Variants in PHACTR2 observed in about 807,000 individuals in gnomAD.
PHACTR2 encodes chromosome 6 open reading frame 56.
Under a neutral mutation model 76.0 loss-of-function variants are expected in PHACTR2, and 30 were observed. The observed-to-expected ratio is 0.39, with a 90% CI of 0.30 to 0.54. PHACTR2 has a LOEUF of 0.54. Ranked by LOEUF, PHACTR2 falls within the 20% of genes least tolerant of loss-of-function variation. The pLI is 0.61. For synonymous variants in PHACTR2, 292 were observed against 292.5 expected (o/e 1.00, Z 0.02); for missense variants, 696 against 781.1 (o/e 0.89, Z 1.30).
At chr6:143,720,426 T>C (rs1184620288) in intron 2 of PHACTR2, among the ~76,000 whole-genome samples, 1 of 151,954 alleles carries the variant, frequency 6.6e-6, no homozygotes, top group African/African-American at 2.4e-5. Flanking sequence ...GAAGGTAACA[T>C]TGAAGGAAAG....
At chr6:143,769,577 T>G (rs1016455857) in intron 6 of PHACTR2, among the ~76,000 whole-genome samples, 12 of 152,152 alleles carry the variant, frequency 7.9e-5, no homozygotes, top group Admixed American at 2.0e-4. Context: ...TTCCATGAAC[T>G]ATAAGTTATC....
chr6:143,765,691 C>T lies in PHACTR2; in HGVS notation c.1125C>T (p.Pro375=), dbSNP rs768792481. ...VVLVSVGADL[P]VSALDPSQLL... is the part of the protein sequence containing the mutation. ...TCGTCAGCGTTGGAGCTGACCTGCC[C>T]GTCTCTGCCTTAGACCCAAGTCAGC... Residue 375 remains proline (P), a synonymous_variant, in exon 6 of 13, where the codon CCC becomes CCT. Transcript: ENST00000440869. The surrounding 1 kb of genome is among the most constrained non-coding windows in gnomAD (Gnocchi z 4.1). 5.0e-6 allele frequency: 8 copies of T among 1,614,044 alleles called. No individual in the cohort carries two copies. Among genetic ancestry groups the T allele is most frequent in the South Asian group, 1.1e-5 (1 of 91,090 alleles).
chr6:143,724,771 T>C (rs1340762794), intron 2 of PHACTR2, among the ~76,000 whole-genome samples: 2 of 152,258 alleles, frequency 1.3e-5, no homozygotes, highest in Non-Finnish European at 2.9e-5. Flanking sequence ...CCTTGACCTT[T>C]CAGAAAACAC....
chr6:143,681,709 T>A (rs1777391839), intron 1 of PHACTR2, among the ~76,000 whole-genome samples: 1 of 152,276 alleles, frequency 6.6e-6, no homozygotes, highest in South Asian at 2.1e-4. Context: ...AAGCGTTTTA[T>A]AATTTTGGCT....
intron 1 of PHACTR2, among the ~76,000 whole-genome samples, chr6:143,614,217 G>A (rs1776026001): frequency 6.6e-6 from 1 of 152,106 alleles, no homozygotes; most frequent in African/African-American, 2.4e-5. Flanking sequence ...GTGAGACTCC[G>A]TCTCAAAAAA....
In PHACTR2 at chr6:143,765,582, C is replaced by G. The variant is rs1485402064; in HGVS notation, c.1016C>G (p.Pro339Arg). 1.2e-6 allele frequency: 2 copies of G among 1,614,062 alleles called. No individual in the cohort carries two copies. Among genetic ancestry groups the G allele is most frequent in the East Asian group, 2.2e-5 (1 of 44,880 alleles). The change falls in exon 6 of 13, where the codon CCT becomes CGT. Residue 339 changes from proline to arginine, a missense_variant. Physicochemically the swap from Pro to Arg is moderately radical, Grantham distance 103. Around this residue, in one of 2 missense-constraint regions of PHACTR2, gnomAD observed 460 missense variants for 450.9 expected, o/e 1.02. Coordinates refer to ENST00000440869, the MANE Select transcript of PHACTR2 (RefSeq NM_001100164.2). The surrounding 1 kb of genome is among the most constrained non-coding windows in gnomAD (Gnocchi z 4.1). ...TTCAAGTCCATGGTCCCTCCACCCC[C>G]TGTGGCTCCAGCACCTTCTCCTCTG... ...GKFKSMVPPP[P>R]VAPAPSPLAP...
At position 143,782,220 on chromosome 6, in the gene PHACTR2, C is replaced by T. The variant is rs184551485; in HGVS notation, c.1646-999C>T. Among the ~76,000 whole-genome samples, 7 of 151,856 alleles carry T rather than the reference C, an allele frequency of 4.6e-5. No individual in the cohort carries two copies. The highest frequency in any genetic ancestry group is 1.5e-4 in the African/African-American group (6 of 41,368). ...TAGCCTGGGTGACAGAGCGAGAATC[C>T]GTTTCAAAAAATAAAATAAAAATAA... is the stretch of plus-strand genomic sequence containing the variant. On this transcript the variant is annotated intron_variant, in intron 9 of 12. Coordinates refer to ENST00000440869, the MANE Select transcript of PHACTR2 (RefSeq NM_001100164.2). This position sits in a 1 kb window ranked among gnomAD's most constrained non-coding sequence, Gnocchi z 4.6.
chr6:143,716,417 C>T (rs1293779334), intron 2 of PHACTR2, among the ~76,000 whole-genome samples: 1 of 152,090 alleles, frequency 6.6e-6, no homozygotes, highest in Non-Finnish European at 1.5e-5. Context: ...CCTCAATCTC[C>T]TGGCTTCAAG....
At chr6:143,797,428 T>G (rs1014249523) in intron 11 of PHACTR2, among the ~76,000 whole-genome samples, 3 of 152,250 alleles carry the variant, frequency 2.0e-5, no homozygotes, top group African/African-American at 4.8e-5. Context: ...GATCCCCGTT[T>G]GTCAATTTTG....
chr6:143,702,724 C>T (rs1467502593), intron 1 of PHACTR2, among the ~76,000 whole-genome samples: 1 of 149,100 alleles, frequency 6.7e-6, no homozygotes, highest in East Asian at 2.0e-4. Flanking sequence ...AATTACATTG[C>T]TCAGAACTAC....
At chr6:143,644,763 T>G (rs979495501) in intron 1 of PHACTR2, among the ~76,000 whole-genome samples, 11 of 152,054 alleles carry the variant, frequency 7.2e-5, no homozygotes, top group East Asian at 1.9e-4. Flanking sequence ...GGGTTTGTTT[T>G]TTTTTTTTGC....
At position 143,633,834 on chromosome 6, in the gene PHACTR2, C is replaced by T. The variant is rs1477974720; in HGVS notation, c.13+25512C>T. Among the ~76,000 whole-genome samples the T allele has an allele frequency of 6.6e-6, 1 of 152,142 alleles. No individual in the cohort carries two copies. The highest frequency in any genetic ancestry group is 2.4e-5 in the African/African-American group (1 of 41,438). ...TTTTATAAAGGTCTCTGTCTAGATT[C>T]ATTTTTTCGCATTTAGATGTCCAGT... On this transcript the variant is annotated intron_variant, in intron 1 of 11. Transcript: ENST00000305766. This position sits in a 1 kb window ranked among gnomAD's most constrained non-coding sequence, Gnocchi z 4.1.
At chr6:143,815,894 G>GA (rs11310299) in intron 12 of PHACTR2, among the ~76,000 whole-genome samples, 7 of 129,364 alleles carry the variant, frequency 5.4e-5, no homozygotes, top group African/African-American at 8.6e-5. Flanking sequence ...TCTGTCTCAA[G>GA]AAAAAAAAAA....
intron 4 of PHACTR2, among the ~76,000 whole-genome samples, chr6:143,756,854 C>T (rs1293172314): frequency 2.0e-5 from 3 of 152,120 alleles, no homozygotes; most frequent in Admixed American, 2.0e-4. Flanking sequence ...TCGATACCAG[C>T]CTGGCCAACA....
chr6:143,781,643 A>C (rs1384605023), intron 9 of PHACTR2, among the ~76,000 whole-genome samples: 1 of 152,252 alleles, frequency 6.6e-6, no homozygotes, highest in Non-Finnish European at 1.5e-5. Context: ...CAAGAACCAC[A>C]GTGTGGCATT....
At chr6:143,759,448 G>T (rs1301186110) in intron 4 of PHACTR2, among the ~76,000 whole-genome samples, 3 of 152,054 alleles carry the variant, frequency 2.0e-5, no homozygotes, top group Non-Finnish European at 4.4e-5. Flanking sequence ...GAGCCCAGGA[G>T]TTCAAGACCA....
At chr6:143,771,176 ATATATATATATATGTG>A (rs1562300761) in intron 6 of PHACTR2, among the ~76,000 whole-genome samples, 2 of 19,118 alleles carry the variant, frequency 1.0e-4, no homozygotes, top group African/African-American at 4.9e-4. Context: ...ATATATATGT[ATATATATATATATGTG>A]TGTATATATA....
Position 143,739,411 on chromosome 6 carries a change from A to G in PHACTR2, c.215-9574A>G, listed in dbSNP as rs72996450. ...TCTCTAGCCTGTTCTTTTTGGGACG[A>G]GATTAGAGTGTAATTTCTCTAGGGA... On this transcript the variant is annotated intron_variant, in intron 2 of 12. Transcript: ENST00000440869. The surrounding 1 kb of genome is among the most constrained non-coding windows in gnomAD (Gnocchi z 4.3). Among the ~76,000 whole-genome samples, 20,201 of 152,162 alleles carry G rather than the reference A, an allele frequency of 0.13. 1,524 individuals are homozygous for G. Among genetic ancestry groups the G allele is most frequent in the Middle Eastern group, 0.21 (62 of 294 alleles).
intron 6 of PHACTR2, among the ~76,000 whole-genome samples, chr6:143,771,168 A>ATGTGTG (rs1230878988): frequency 2.1e-4 from 6 of 28,032 alleles, no homozygotes; most frequent in Non-Finnish European, 2.9e-4. Flanking sequence ...GTATATATAT[A>ATGTGTG]TATATGTATA....
Sources: allele counts gnomAD v4.1 joint callset (sites outside exome capture counted in the v4.1 genomes callset), GRCh38; gene constraint gnomAD v4.1.1; regional missense constraint gnomAD v4.1.1; non-coding constraint Gnocchi (gnomAD v3.1); transcripts MANE v1.5; gene names NCBI Gene and HGNC (gene_info 2026-07-23, HGNC 2026-07-21).